MERTK: variants seen among roughly 807,000 people sequenced by gnomAD.
MERTK encodes the protein MER proto-oncogene, tyrosine kinase.
In MERTK, 69 loss-of-function variants were observed where a neutral mutation model predicts 99.3. The observed-to-expected ratio is 0.70, with a 90% CI of 0.57 to 0.85. The LOEUF is 0.85. MERTK is among the 40% of genes least tolerant of loss of function. The pLI is 0.00. For synonymous variants in MERTK, 426 were observed against 467.6 expected, an observed-to-expected ratio of 0.91 and a Z score of 1.15; for missense variants, 1,125 against 1,249.4, an observed-to-expected ratio of 0.90 and a Z score of 1.50.
chr2:111,937,636 G>A (rs867472431), intron 2 of MERTK, among the ~76,000 whole-genome samples: 7 of 152,050 alleles, frequency 4.6e-5, no homozygotes, highest in Admixed American at 2.0e-4. Flanking sequence ...CCTGTTGCCG[G>A]TTCTTTATTC....
chr2:112,004,535 A>G (rs906264584), intron 13 of MERTK, among the ~76,000 whole-genome samples: 4 of 152,206 alleles, frequency 2.6e-5, no homozygotes, highest in African/African-American at 9.6e-5. Flanking sequence ...CAAGCTGGGA[A>G]GAGAGCCAGC....
chr2:111,972,749 G>A (rs984435656), intron 6 of MERTK, among the ~76,000 whole-genome samples: 8 of 152,194 alleles, frequency 5.3e-5, no homozygotes, highest in East Asian at 3.9e-4. Flanking sequence ...GAATAATGTC[G>A]TGACATACCT....
At chr2:111,976,126 A>C (rs976367402) in intron 7 of MERTK, among the ~76,000 whole-genome samples, 1 of 152,234 alleles carries the variant, frequency 6.6e-6, no homozygotes, top group Admixed American at 6.5e-5. Flanking sequence ...CAAAGGATAC[A>C]AATGAAGAGA....
chr2:111,899,118 G>GT (rs1683987716), intron 1 of MERTK, among the ~76,000 whole-genome samples: 1 of 152,218 alleles, frequency 6.6e-6, no homozygotes, highest in Admixed American at 6.5e-5. Flanking sequence ...TGCAAGTCCT[G>GT]AAGTTCCGAC....
At chr2:111,973,890 G>C (rs754449481) in intron 6 of MERTK, among the ~76,000 whole-genome samples, 1 of 151,430 alleles carries the variant, frequency 6.6e-6, no homozygotes, top group African/African-American at 2.4e-5. Flanking sequence ...TGGAGAGACT[G>C]GTGGAGTTAT....
intron 8 of MERTK, among the ~76,000 whole-genome samples, chr2:111,987,624 A>C (rs1261293479): frequency 1.3e-5 from 2 of 152,174 alleles, no homozygotes; most frequent in Non-Finnish European, 1.5e-5. Context: ...TTAAGTGTGG[A>C]CTAGTATTTC....
At chr2:111,953,067 T>A (rs954959792) in intron 4 of MERTK, among the ~76,000 whole-genome samples, 7 of 152,162 alleles carry the variant, frequency 4.6e-5, no homozygotes, top group Non-Finnish European at 8.8e-5. Flanking sequence ...ACATGGTAGT[T>A]GTAGAAATGA....
At chr2:111,918,957 A>G (rs965042776) in intron 1 of MERTK, among the ~76,000 whole-genome samples, 8 of 152,192 alleles carry the variant, frequency 5.3e-5, no homozygotes, top group Non-Finnish European at 1.0e-4. Context: ...TGTGAAAGCC[A>G]CAGCTGAGTC....
chr2:111,947,249 G>C (rs1372992465), intron 3 of MERTK, 145 bp from the exon 4 acceptor site: 1 of 871,804 alleles, frequency 1.1e-6, no homozygotes, highest in Admixed American at 2.0e-5. Context: ...CTCCAGCCTG[G>C]GTGACAGAGC....
At chr2:111,981,621 T>A (rs1676372281) in intron 7 of MERTK, among the ~76,000 whole-genome samples, 1 of 152,190 alleles carries the variant, frequency 6.6e-6, no homozygotes. Flanking sequence ...AAATATTTGG[T>A]CAGAGAGCAT....
intron 1 of MERTK, among the ~76,000 whole-genome samples, chr2:111,904,266 T>C (rs894631229): frequency 1.3e-5 from 2 of 152,242 alleles, no homozygotes; most frequent in African/African-American, 4.8e-5. Flanking sequence ...CAGTTCCTGT[T>C]CAACTTTTCC....
chr2:112,010,512 CTGTT>C (rs149387451), intron 15 of MERTK, among the ~76,000 whole-genome samples: 1,691 of 152,270 alleles, frequency 0.011, 48 homozygotes, highest in African/African-American at 0.038. Flanking sequence ...ATTCTGAAAA[CTGTT>C]TGTAACATTT....
rs1333205928 is a variant in MERTK at position 111,945,069 on chromosome 2, A to G, written c.583+9A>G. 3 of 1,603,914 alleles carry G rather than the reference A, an allele frequency of 1.9e-6. No homozygotes were observed. The highest frequency in any genetic ancestry group is 1.3e-5 in the African/African-American group (1 of 74,782). ...CTACATCGAAGTACAAGGTAAGTCCACAGACCAGAGTCCCATTGCCAGAGA... is the reference window on the plus strand; with the variant it reads ...CTACATCGAAGTACAAGGTAAGTCCGCAGACCAGAGTCCCATTGCCAGAGA... On this transcript the variant is annotated intron_variant, in intron 3 of 18. Coordinates refer to ENST00000295408, the MANE Select transcript of MERTK (RefSeq NM_006343.3).
intron 4 of MERTK, among the ~76,000 whole-genome samples, chr2:111,948,004 A>T (rs1684992040): frequency 6.6e-6 from 1 of 151,948 alleles, no homozygotes. Flanking sequence ...ATTGTGGCTG[A>T]ATGGACATTC....
intron 17 of MERTK, 42 bp from the exon 18 acceptor site, chr2:112,022,216 T>A: frequency 6.2e-7 from 1 of 1,614,086 alleles, no homozygotes; most frequent in Non-Finnish European, 8.5e-7. Flanking sequence ...TCAGGCTTTG[T>A]GGAAAGGCTT....
chr2:111,914,700 T>C (rs1019745343), intron 1 of MERTK, among the ~76,000 whole-genome samples: 1 of 152,230 alleles, frequency 6.6e-6, no homozygotes, highest in South Asian at 2.1e-4. Context: ...GATGACATTG[T>C]CTGATTTTCA....
At chr2:111,914,172 T>C (rs1684306017) in intron 1 of MERTK, among the ~76,000 whole-genome samples, 1 of 148,280 alleles carries the variant, frequency 6.7e-6, no homozygotes, top group South Asian at 2.2e-4. Flanking sequence ...TGGCACGATC[T>C]TGGCTCACTG....
At chr2:111,950,753 G>C (rs1250576377) in intron 4 of MERTK, among the ~76,000 whole-genome samples, 1 of 152,088 alleles carries the variant, frequency 6.6e-6, no homozygotes, top group African/African-American at 2.4e-5. Context: ...CAGGTCTTTT[G>C]CCCAATTCTA....
intron 8 of MERTK, among the ~76,000 whole-genome samples, chr2:111,992,243 G>T (rs1423575554): frequency 1.3e-5 from 2 of 151,840 alleles, no homozygotes; most frequent in Admixed American, 1.3e-4. Context: ...TGCCTTTTTT[G>T]TCCAATCACA....
Sources: allele counts gnomAD v4.1 joint callset (sites outside exome capture counted in the v4.1 genomes callset), GRCh38; gene constraint gnomAD v4.1.1; transcripts MANE v1.5; gene names NCBI Gene and HGNC (gene_info 2026-07-23, HGNC 2026-07-21).